GRHL3: variants seen among roughly 807,000 people sequenced by gnomAD.
The protein encoded by GRHL3 is grainyhead like transcription factor 3.
GRHL3 carries 20 observed loss-of-function variants against 70.3 expected under a neutral mutation model. The observed-to-expected ratio is 0.28, with a 90% CI of 0.20 to 0.41. GRHL3 has a LOEUF of 0.41. Ranked by LOEUF, GRHL3 falls within the 10% of genes least tolerant of loss-of-function variation. The probability of loss-of-function intolerance (pLI) is 1.00; values close to 1 mark genes in which losing one functional copy is unlikely to be tolerated. For synonymous variants in GRHL3, 299 were observed against 299.9 expected, an observed-to-expected ratio of 1.00 and a Z score of 0.03; for missense variants, 637 against 762.3, an observed-to-expected ratio of 0.84 and a Z score of 1.94.
Position 24,342,351 on chromosome 1 carries a change from C to G in GRHL3, c.1206+78C>G. 1 of 1,270,400 alleles carries G rather than the reference C, an allele frequency of 7.9e-7. No homozygotes were observed. Among genetic ancestry groups the G allele is most frequent in the Non-Finnish European group, 1.1e-6 (1 of 909,164 alleles). 78.7% of individuals were successfully genotyped at this position (1,270,400 alleles called of 1,614,324 possible). A position where few individuals can be genotyped will look rare whatever the true frequency, so the allele number is the denominator to read the frequency against. On this transcript the variant is annotated intron_variant, in intron 9 of 15. Transcript: ENST00000361548. The surrounding 1 kb of genome is among the most constrained non-coding windows in gnomAD (Gnocchi z 4.8). Reference sequence around the variant, plus strand: ...AACCCTGACCCGTGCGTCCTCCTAGCTTCTCTGGGTTGTCTGTCTCTCTCT... The same window carrying G: ...AACCCTGACCCGTGCGTCCTCCTAGGTTCTCTGGGTTGTCTGTCTCTCTCT...
intron 14 of GRHL3, among the ~76,000 whole-genome samples, chr1:24,347,814 A>T (rs1640352373): frequency 6.6e-6 from 1 of 152,206 alleles, no homozygotes; most frequent in Non-Finnish European, 1.5e-5. Context: ...CTGCTGTCTG[A>T]CAGGCCAGGG....
intron 2 of GRHL3, among the ~76,000 whole-genome samples, chr1:24,333,227 C>T (rs1488586972): frequency 6.6e-6 from 1 of 152,178 alleles, no homozygotes; most frequent in Non-Finnish European, 1.5e-5. Context: ...TTCAGAGCAG[C>T]CCCCTGGACA....
rs761532651 is a variant in GRHL3 at position 24,354,514 on chromosome 1, C to G, written c.*26C>G. 1.2e-5 allele frequency: 18 copies of G among 1,464,988 alleles called. No individual in the cohort carries two copies. The highest frequency in any genetic ancestry group is 1.4e-5 in the African/African-American group (1 of 72,234). The allele number at this position is 1,464,988 out of a possible 1,614,324, so 90.7% of individuals were successfully genotyped here. On this transcript the variant is annotated 3_prime_UTR_variant, in exon 16 of 16. Transcript: ENST00000361548. ...GGCCTCTCGAGCATCCAAACCCTCA[C>G]GACCTGCAAGGGGCCAGCAGGGACG...
downstream of GRHL3, chr1:24,357,108 C>T (rs926122583): frequency 4.3e-5 from 6 of 138,966 alleles, no homozygotes; most frequent in South Asian, 2.6e-4. Context: ...AGACAGGATT[C>T]GTATTACTGA....
chr1:24,340,980 A>T (rs1257516405), intron 8 of GRHL3, among the ~76,000 whole-genome samples: 8 of 150,900 alleles, frequency 5.3e-5, no homozygotes, highest in African/African-American at 2.0e-4. Context: ...GCTGAGGGGG[A>T]GGTATGTCTG....
At chr1:24,338,421 T>TC (rs2148657460) in intron 7 of GRHL3, among the ~76,000 whole-genome samples, 1 of 152,318 alleles carries the variant, frequency 6.6e-6, no homozygotes, top group African/African-American at 2.4e-5. Context: ...GGCAGCAGGT[T>TC]CGGAAGGCCT....
chr1:24,357,995 T>A, downstream of GRHL3: 1 of 353,682 alleles, frequency 2.8e-6, no homozygotes, highest in African/African-American at 2.1e-5. Context: ...AAGGAAGCTG[T>A]GGACTGGTGG....
chr1:24,358,462 G>T, downstream of GRHL3: 2 of 1,207,476 alleles, frequency 1.7e-6, no homozygotes, highest in Non-Finnish European at 2.5e-6. Context: ...CTCATGATCG[G>T]TCTCCTCCTG....
At position 24,319,650 on chromosome 1, in the gene GRHL3, GC is replaced by G. The variant is rs938122739; in HGVS notation, c.17+84del. On this transcript the variant is annotated intron_variant, in intron 1 of 15. Transcript: ENST00000361548. ...TTCCTGGAGGGGGAAGAGCGGGGAG[GC>G]CGGCACCGGGATTCACAGAGCAATT... is the stretch of plus-strand genomic sequence containing the variant. The G allele has an allele frequency of 7.4e-6, 12 of 1,610,964 alleles. No individual in the cohort carries two copies. In the African/African-American group the frequency reaches 1.5e-4, roughly 20 times the overall value.
chr1:24,337,424 A>G (rs1400924732), intron 5 of GRHL3: 10 of 605,780 alleles, frequency 1.7e-5, no homozygotes, highest in Admixed American at 9.3e-5. Flanking sequence ...TCTAATTTTC[A>G]TTGGGCCCTC....
At chr1:24,347,179 G>A (rs1006995366) in intron 13 of GRHL3, among the ~76,000 whole-genome samples, 4 of 152,130 alleles carry the variant, frequency 2.6e-5, no homozygotes, top group African/African-American at 9.7e-5. Context: ...ACGAAACAGC[G>A]GACAGAGCCT....
At chr1:24,346,737 G>C in intron 13 of GRHL3, 96 bp downstream of exon 13, 2 of 915,064 alleles carry the variant, frequency 2.2e-6, no homozygotes, top group Non-Finnish European at 1.7e-6. Flanking sequence ...GGGGCACGAG[G>C]CGCTGCCTTA....
intron 15 of GRHL3, chr1:24,361,150 C>G: frequency 9.5e-7 from 1 of 1,049,244 alleles, no homozygotes; most frequent in Admixed American, 3.1e-5. Flanking sequence ...TGGAAGAGGA[C>G]TGGTCACGGC....
intron 2 of GRHL3, among the ~76,000 whole-genome samples, chr1:24,333,792 GTGA>G (rs1308408051): frequency 6.6e-6 from 1 of 152,156 alleles, no homozygotes; most frequent in African/African-American, 2.4e-5. Flanking sequence ...CCATAGAATG[GTGA>G]TGATACTAGT....
rs764334396 is a variant in GRHL3 at position 24,337,685 on chromosome 1, G to A, written c.736G>A (p.Gly246Ser). ...CCCCAAAGCCATCCACATCAAGTCA[G>A]GCGAGTCACCCATGGCCTACCTCAA... ...GSPKAIHIKS[G>S]ESPMAYLNKG... Residue 246 changes from glycine to serine, a missense_variant, in exon 6 of 16, where the codon GGC becomes AGC. By Grantham distance (56) the Gly-to-Ser change is moderately conservative. Transcript: ENST00000361548. The A allele has an allele frequency of 8.7e-6, 14 of 1,614,184 alleles. No homozygotes were observed. Among genetic ancestry groups the A allele is most frequent in the Non-Finnish European group, 1.2e-5 (14 of 1,180,026 alleles).
Position 24,342,354 on chromosome 1 carries a change from C to T in GRHL3, c.1206+81C>T. Reference sequence around the variant, plus strand: ...CCTGACCCGTGCGTCCTCCTAGCTTCTCTGGGTTGTCTGTCTCTCTCTGTT... The same window carrying T: ...CCTGACCCGTGCGTCCTCCTAGCTTTTCTGGGTTGTCTGTCTCTCTCTGTT... On this transcript the variant is annotated intron_variant, in intron 9 of 15. Transcript: ENST00000361548. The surrounding 1 kb of genome is among the most constrained non-coding windows in gnomAD (Gnocchi z 4.8). The T allele has an allele frequency of 1.7e-6, 2 of 1,201,734 alleles. No homozygotes were observed. The highest frequency in any genetic ancestry group is 2.4e-6 in the Non-Finnish European group (2 of 849,056). 74.4% of individuals were successfully genotyped at this position (1,201,734 alleles called of 1,614,324 possible).
In GRHL3 at chr1:24,342,790, G is replaced by A. The variant is rs369612924; in HGVS notation, c.1285+18G>A. ...CAACAGTGGTCAGTGGGGATCCAGGGCCTGGGTGGGCTCGGCTGGCGTGAA... is the reference window on the plus strand; with the variant it reads ...CAACAGTGGTCAGTGGGGATCCAGGACCTGGGTGGGCTCGGCTGGCGTGAA... On this transcript the variant is annotated intron_variant, in intron 10 of 15. Transcript: ENST00000361548. This position sits in a 1 kb window ranked among gnomAD's most constrained non-coding sequence, Gnocchi z 4.8. 1.1e-5 allele frequency: 17 copies of A among 1,613,882 alleles called. No individual in the cohort carries two copies. Among genetic ancestry groups the A allele is most frequent in the Non-Finnish European group, 1.4e-5 (16 of 1,179,874 alleles).
chr1:24,342,870 A>G lies in GRHL3; in HGVS notation c.1286-22A>G, dbSNP rs1409655396. 2 of 1,614,196 alleles carry G rather than the reference A, an allele frequency of 1.2e-6. No homozygotes were observed. The highest frequency in any genetic ancestry group is 1.7e-6 in the Non-Finnish European group (2 of 1,180,030). ...CTTGAGTGGAGGGACCTCGGGGCAC[A>G]TTGGCTTCCTTCTCCCATCAGGCGT... On this transcript the variant is annotated intron_variant, in intron 10 of 15. Transcript: ENST00000361548. This position sits in a 1 kb window ranked among gnomAD's most constrained non-coding sequence, Gnocchi z 4.8.
At chr1:24,364,189 A>G (rs1641300462) in exon 16 of GRHL3, 14 of 1,488,804 alleles carry the variant, frequency 9.4e-6, no homozygotes, top group African/African-American at 1.4e-5. Flanking sequence ...TTCCAGGGAA[A>G]CTTCTCTCCT....
Sources: allele counts gnomAD v4.1 joint callset (sites outside exome capture counted in the v4.1 genomes callset), GRCh38; gene constraint gnomAD v4.1.1; non-coding constraint Gnocchi (gnomAD v3.1); transcripts MANE v1.5; gene names NCBI Gene and HGNC (gene_info 2026-07-23, HGNC 2026-07-21).